HAUS3: variants seen among roughly 807,000 people sequenced by gnomAD.
The protein encoded by HAUS3 is HAUS augmin-like complex subunit 3.
Under a neutral mutation model 55.2 loss-of-function variants are expected in HAUS3, and 36 were observed. The observed-to-expected ratio is 0.65, with a 90% CI of 0.50 to 0.86. The LOEUF is 0.86. Ranked by LOEUF, HAUS3 falls within the 40% of genes least tolerant of loss-of-function variation. The pLI is 0.00. For missense variants in HAUS3, 752 were observed against 671.5 expected (o/e 1.12, Z -1.33); for synonymous variants, 234 against 238.6 (o/e 0.98, Z 0.18).
At chr4:2,237,412 G>C (rs1734805441) in intron 4 of HAUS3, among the ~76,000 whole-genome samples, 1 of 151,472 alleles carries the variant, frequency 6.6e-6, no homozygotes, top group Admixed American at 6.6e-5. Flanking sequence ...CTCCTACCTA[G>C]GCAAGAGAGT....
At position 2,240,917 on chromosome 4, in the gene HAUS3, T is replaced by C; in HGVS notation, c.30A>G (p.Thr10=). 2 of 1,600,454 alleles carry C rather than the reference T, an allele frequency of 1.2e-6. No individual in the cohort carries two copies. Among genetic ancestry groups the C allele is most frequent in the East Asian group, 2.2e-5 (1 of 44,860 alleles). MSCGNEFVE[T]LKKIGYPKAD... ...CTTTGGGATAACCAATTTTTTTTAA[T>C]GTTTCCACAAACTCATTTCCACAAC... Residue 10 remains threonine, a synonymous_variant, in exon 3 of 6, where the codon ACA becomes ACG. Transcript: ENST00000443786.
Position 2,228,370 on chromosome 4 carries a change from A to C in HAUS3, c.*3557T>G. 1 of 160,428 alleles carries C rather than the reference A, an allele frequency of 6.2e-6. No homozygotes were observed. Among genetic ancestry groups the C allele is most frequent in the Non-Finnish European group, 1.2e-5 (1 of 86,576 alleles). 9.9% of individuals were successfully genotyped at this position (160,428 alleles called of 1,614,324 possible). A position where few individuals can be genotyped will look rare whatever the true frequency, so the allele number is the denominator to read the frequency against. ...TCACTTTTTTTTTTTTTTTTTTTTG[A>C]GATAGAGTCTCACTCTGTCGCCCAC... is the stretch of plus-strand genomic sequence containing the variant. On this transcript the variant is annotated 3_prime_UTR_variant, in exon 6 of 6. Transcript: ENST00000443786.
At chr4:2,233,777 G>A (rs1308715287) in intron 5 of HAUS3, among the ~76,000 whole-genome samples, 2 of 152,170 alleles carry the variant, frequency 1.3e-5, no homozygotes, top group Non-Finnish European at 2.9e-5. Context: ...AAAACATTGT[G>A]TTGGTTTAAC....
intron 5 of HAUS3, among the ~76,000 whole-genome samples, chr4:2,233,755 A>T (rs1734662435): frequency 6.6e-6 from 1 of 152,212 alleles, no homozygotes; most frequent in Non-Finnish European, 1.5e-5. Context: ...AAAAACAAAA[A>T]TTCTTAATAA....
Position 2,236,278 on chromosome 4 carries a change from G to A in HAUS3, c.1528C>T (p.Leu510Phe), listed in dbSNP as rs1734761143. ...CCTCCTTGATACAAAGTATCACAAA[G>A]CATGTCCACATCCTTATTCCGTTTG... ...LSKRNKDVDMLCDTLYQGGNQ... is the reference protein window; with the variant it reads ...LSKRNKDVDMFCDTLYQGGNQ... Residue 510 changes from leucine (L) to phenylalanine (F), a missense_variant, in exon 5 of 6, where the codon CTT becomes TTT. By Grantham distance (22) the Leu-to-Phe change is conservative (BLOSUM62 0). Coordinates refer to ENST00000443786, the MANE Select transcript of HAUS3 (RefSeq NM_001303143.2). 2 of 1,613,444 alleles carry A rather than the reference G, an allele frequency of 1.2e-6. No homozygotes were observed. Among genetic ancestry groups the A allele is most frequent in the East Asian group, 2.2e-5 (1 of 44,864 alleles).
Position 2,231,753 on chromosome 4 carries a change from A to G in HAUS3, c.*174T>C, listed in dbSNP as rs1734585879. The G allele has an allele frequency of 2.1e-6, 1 of 472,120 alleles. No homozygotes were observed. The highest frequency in any genetic ancestry group is 4.4e-5 in the Admixed American group (1 of 22,902). The allele number at this position is 472,120 out of a possible 1,614,324, so 29.2% of individuals were successfully genotyped here. A position where few individuals can be genotyped will look rare whatever the true frequency, so the allele number is the denominator to read the frequency against. On this transcript the variant is annotated 3_prime_UTR_variant, in exon 6 of 6. Coordinates refer to ENST00000443786, the MANE Select transcript of HAUS3 (RefSeq NM_001303143.2). ...AACACATGCTCAAGTCATAAAAAGCACTGGTATTCTGAATGTACTACATGA... is the reference window on the plus strand; with the variant it reads ...AACACATGCTCAAGTCATAAAAAGCGCTGGTATTCTGAATGTACTACATGA...
chr4:2,238,365 T>A (rs944790596), intron 4 of HAUS3, among the ~76,000 whole-genome samples: 1 of 151,646 alleles, frequency 6.6e-6, no homozygotes, highest in Non-Finnish European at 1.5e-5. Flanking sequence ...CATTCATTCC[T>A]CCAACTCATC....
rs61792605 is a variant in HAUS3, at chr4:2,228,539, G to T, written c.*3388C>A. ...TTTTTAGTAGAGACAGTGTTTTACCGTGTTAGCCAGGATGGTCTCGATCTC... is the reference window on the plus strand; with the variant it reads ...TTTTTAGTAGAGACAGTGTTTTACCTTGTTAGCCAGGATGGTCTCGATCTC... On this transcript the variant is annotated 3_prime_UTR_variant, in exon 6 of 6. Transcript: ENST00000443786. 14,253 of 186,132 alleles carry T rather than the reference G, an allele frequency of 0.077. 831 individuals carry two copies. Among genetic ancestry groups the T allele is most frequent in the African/African-American group, 0.17 (6,868 of 41,560 alleles). 11.5% of individuals were successfully genotyped at this position (186,132 alleles called of 1,614,324 possible).
In HAUS3 at chr4:2,229,032, T is replaced by A; in HGVS notation, c.*2895A>T. 1 of 1,458,904 alleles carries A rather than the reference T, an allele frequency of 6.9e-7. No individual in the cohort carries two copies. Among genetic ancestry groups the A allele is most frequent in the East Asian group, 2.3e-5 (1 of 43,130 alleles). 90.4% of individuals were successfully genotyped at this position (1,458,904 alleles called of 1,614,324 possible). ...TGTCTACATGCATTCCATTTTCAAT[T>A]CTTAGTCTTTAGAACAATTAACATT... On this transcript the variant is annotated 3_prime_UTR_variant, in exon 6 of 6. Transcript: ENST00000443786.
In HAUS3 at chr4:2,240,460, T is replaced by C. The variant is rs1734938789; in HGVS notation, c.487A>G (p.Ser163Gly). Residue 163 changes from serine (S) to glycine (G), a missense_variant, in exon 3 of 6, where the codon AGT (serine) becomes GGT (glycine). By Grantham distance (56) the Ser-to-Gly change is moderately conservative. Transcript: ENST00000443786. ...GILNAMITKI[S>G]NELQALTDEV... ...TCAGTAAGAGCCTGAAGTTCATTAC[T>C]GATCTTAGTGATCATTGCATTTAGA... 1 of 1,613,902 alleles carries C rather than the reference T, an allele frequency of 6.2e-7. No homozygotes were observed. Among genetic ancestry groups the C allele is most frequent in the East Asian group, 2.2e-5 (1 of 44,872 alleles).
chr4:2,240,363 A>T lies in HAUS3; in HGVS notation c.584T>A (p.Leu195Ter), dbSNP rs1734933779. 3 of 1,603,858 alleles carry T rather than the reference A, an allele frequency of 1.9e-6. No individual in the cohort carries two copies. Among genetic ancestry groups the T allele is most frequent in the Non-Finnish European group, 1.7e-6 (2 of 1,173,742 alleles). The change falls in exon 3 of 6, where the codon TTA (leucine) becomes TAA (stop). Residue 195 changes from leucine to a stop codon, truncating the protein, a stop_gained. Transcript: ENST00000443786. LOFTEE classifies it high-confidence loss of function. ...GTATTTTTCCAAGGAAAATTGCGATAAAAATACCAGTGGATTTGTCCCTTG... is the reference window on the plus strand; with the variant it reads ...GTATTTTTCCAAGGAAAATTGCGATTAAAATACCAGTGGATTTGTCCCTTG... ...LGQGTNPLVF[L>*]SQFSLEKYLS... is the part of the protein sequence containing the mutation.
Position 2,240,091 on chromosome 4 carries a change from T to C in HAUS3, c.856A>G (p.Met286Val). ...TCTGCCCATTTTATACTTGACTTCA[T>C]GCTCGAATTACTTGCTTTTAAGTGA... ...LIHLKASNSS[M>V]KSSIKWAEES... The change falls in exon 3 of 6, where the codon ATG becomes GTG. Residue 286 changes from methionine (M) to valine (V), a missense_variant. By Grantham distance (21) the Met-to-Val change is conservative. Transcript: ENST00000443786. 6.2e-7 allele frequency: 1 copy of C among 1,614,102 alleles called. No individual in the cohort carries two copies. The highest frequency in any genetic ancestry group is 8.5e-7 in the Non-Finnish European group (1 of 1,179,980).
chr4:2,242,088 GC>G lies in HAUS3; in HGVS notation c.-457del, dbSNP rs946576202. 1.0e-6 allele frequency: 1 copy of G among 985,786 alleles called. No individual in the cohort carries two copies. Among genetic ancestry groups the G allele is most frequent in the African/African-American group, 1.7e-5 (1 of 57,256 alleles). 61.1% of individuals were successfully genotyped at this position (985,786 alleles called of 1,614,324 possible). A position where few individuals can be genotyped will look rare whatever the true frequency, so the allele number is the denominator to read the frequency against. On this transcript the variant is annotated 5_prime_UTR_variant, in exon 1 of 6. Transcript: ENST00000443786. ...CGCTTGCTTCTCGCAGGAGCCCGCC[GC>G]CACCGCCCTCCGTGCCCCGCGCGCC...
intron 5 of HAUS3, among the ~76,000 whole-genome samples, chr4:2,233,790 A>G (rs1734663341): frequency 6.6e-6 from 1 of 152,234 alleles, no homozygotes; most frequent in South Asian, 2.1e-4. Context: ...GGTTTAACTA[A>G]GAGTTTTTCT....
rs995701927 is a variant in HAUS3, at chr4:2,229,150, T to C, written c.*2777A>G. On this transcript the variant is annotated 3_prime_UTR_variant, in exon 6 of 6. Coordinates refer to ENST00000443786, the MANE Select transcript of HAUS3 (RefSeq NM_001303143.2). ...GAATCCACTAAATCACCTGAATGCA[T>C]AGCAGACATAATCTTCTGAGCAACA... 2.5e-6 allele frequency: 4 copies of C among 1,610,614 alleles called. No individual in the cohort carries two copies. In the African/African-American group the frequency reaches 4.0e-5, roughly 16 times the overall value.
chr4:2,237,665 C>T (rs1036335894), intron 4 of HAUS3, among the ~76,000 whole-genome samples: 1 of 152,128 alleles, frequency 6.6e-6, no homozygotes, highest in Non-Finnish European at 1.5e-5. Context: ...AACTACTACA[C>T]ATCTTAACCT....
Position 2,241,773 on chromosome 4 carries a change from C to A in HAUS3, c.-401G>T, listed in dbSNP as rs371222237. 141 of 985,508 alleles carry A rather than the reference C, an allele frequency of 1.4e-4. No homozygotes were observed. In the African/African-American group the frequency reaches 2.3e-3, roughly 16 times the overall value. The allele number at this position is 985,508 out of a possible 1,614,324, so 61.0% of individuals were successfully genotyped here. A position where few individuals can be genotyped will look rare whatever the true frequency, so the allele number is the denominator to read the frequency against. On this transcript the variant is annotated 5_prime_UTR_variant, in exon 2 of 6. Transcript: ENST00000443786. ...AACCTTCCTTCGGAGGGTCACCCAG[C>A]TGTGACACCTAAGCACGCTGACAAA...
In HAUS3 at chr4:2,231,825, T is replaced by C. The variant is rs1734588605; in HGVS notation, c.*102A>G. 4 of 618,572 alleles carry C rather than the reference T, an allele frequency of 6.5e-6. No individual in the cohort carries two copies. The East Asian group carries it at 1.2e-4, about 19-fold the overall frequency. 38.3% of individuals were successfully genotyped at this position (618,572 alleles called of 1,614,324 possible). A position where few individuals can be genotyped will look rare whatever the true frequency, so the allele number is the denominator to read the frequency against. On this transcript the variant is annotated 3_prime_UTR_variant, in exon 6 of 6. Transcript: ENST00000443786. Reference sequence around the variant, plus strand: ...ATAGTTCAATTCATCAAATTAAATGTTCCATTGACCTCAAATTTTAAAAAT... The same window carrying C: ...ATAGTTCAATTCATCAAATTAAATGCTCCATTGACCTCAAATTTTAAAAAT...
At position 2,240,867 on chromosome 4, in the gene HAUS3, A is replaced by C. The variant is rs1339110716; in HGVS notation, c.80T>G (p.Phe27Cys). 2.5e-6 allele frequency: 4 copies of C among 1,612,046 alleles called. No individual in the cohort carries two copies. The highest frequency in any genetic ancestry group is 2.5e-6 in the Non-Finnish European group (3 of 1,179,838). The change falls in exon 3 of 6, where the codon TTT (phenylalanine) becomes TGT (cysteine). Residue 27 changes from phenylalanine (F) to cysteine (C), a missense_variant. Coordinates refer to ENST00000443786, the MANE Select transcript of HAUS3 (RefSeq NM_001303143.2). ...PKADNLNGED[F>C]DWLFEGVEDE... ...TTCAACGCCCTCAAACAACCAGTCAAAGTCTTCTCCATTAAGATTATCAGC... is the reference window on the plus strand; with the variant it reads ...TTCAACGCCCTCAAACAACCAGTCACAGTCTTCTCCATTAAGATTATCAGC...
Sources: gnomAD v4.1 joint callset for allele counts (sites outside exome capture counted in the v4.1 genomes callset) on GRCh38, gnomAD v4.1.1 for gene constraint, MANE v1.5 for transcripts, NCBI Gene and HGNC (gene_info 2026-07-23, HGNC 2026-07-21) for gene names.